SNTB1: variants seen among roughly 807,000 people sequenced by gnomAD.
The protein encoded by SNTB1 is beta-1-syntrophin.
SNTB1 carries 36 observed loss-of-function variants against 48.9 expected under a neutral mutation model. The ratio of observed to expected loss-of-function variants is 0.74; its 90% CI spans 0.56 to 0.97. The LOEUF (loss-of-function observed/expected upper bound fraction) is 0.97. SNTB1 is among the 50% of genes least tolerant of loss of function. SNTB1 has a pLI of 0.00. For missense variants in SNTB1, 786 were observed against 703.4 expected (o/e 1.12, Z -1.33); for synonymous variants, 299 against 294.6 (o/e 1.01, Z -0.15).
intron 3 of SNTB1, among the ~76,000 whole-genome samples, chr8:120,609,353 T>A (rs574274562): frequency 6.6e-6 from 1 of 152,300 alleles, no homozygotes; most frequent in South Asian, 2.1e-4. Flanking sequence ...AGACCAGGCG[T>A]AGGTCCATAC....
At chr8:120,561,637 CATTGT>C (rs1399994852) in intron 4 of SNTB1, among the ~76,000 whole-genome samples, 5 of 152,018 alleles carry the variant, frequency 3.3e-5, no homozygotes, top group Non-Finnish European at 5.9e-5. Context: ...ACGTATGTCC[CATTGT>C]GTGTGTAGAA....
At position 120,693,778 on chromosome 8, in the gene SNTB1, G is replaced by A. The variant is rs1818165585; in HGVS notation, c.702C>T (p.Ser234=). The A allele has an allele frequency of 6.2e-7, 1 of 1,614,042 alleles. No homozygotes were observed. Among genetic ancestry groups the A allele is most frequent in the Non-Finnish European group, 8.5e-7 (1 of 1,179,986 alleles). Residue 234 remains serine (S), a synonymous_variant, in exon 2 of 7, where the codon TCC becomes TCT. Coordinates refer to ENST00000517992, the MANE Select transcript of SNTB1 (RefSeq NM_021021.4). ...GSTSDPPSSQ[S]FSFHRDRKSI... is the part of the protein sequence containing the mutation. The stretch of plus-strand genomic sequence containing the variant: ...TTTTCCGGTCTCTGTGGAAGGAGAA[G>A]GACTGCGATGACGGGGGGTCTGAGG...
chr8:120,547,897 C>T (rs1815410288), intron 5 of SNTB1, among the ~76,000 whole-genome samples: 1 of 152,258 alleles, frequency 6.6e-6, no homozygotes, highest in South Asian at 2.1e-4. Flanking sequence ...GCCTTTGGCT[C>T]CTGCTCTTTT....
chr8:120,796,133 T>C (rs1820115451), intron 1 of SNTB1, among the ~76,000 whole-genome samples: 1 of 152,044 alleles, frequency 6.6e-6, no homozygotes, highest in East Asian at 1.9e-4. Context: ...TTTCAAAGTG[T>C]GTAGCACCTC....
intron 2 of SNTB1, among the ~76,000 whole-genome samples, chr8:120,669,109 T>C (rs1310550964): frequency 1.2e-4 from 18 of 152,222 alleles, no homozygotes; most frequent in Non-Finnish European, 5.9e-5. Flanking sequence ...CATAAAATGT[T>C]TGAGGCAATT....
chr8:120,714,555 C>T (rs1367030651), intron 1 of SNTB1, among the ~76,000 whole-genome samples: 2 of 151,872 alleles, frequency 1.3e-5, no homozygotes, highest in East Asian at 1.9e-4. Flanking sequence ...AAGCAGGCAC[C>T]ATTCCCAAAG....
intron 1 of SNTB1, chr8:120,765,817 G>C (rs1587143739): frequency 6.6e-6 from 1 of 152,152 alleles, no homozygotes; most frequent in South Asian, 2.1e-4. Context: ...GATAGCTAGA[G>C]TTTCAGAAGC....
intron 1 of SNTB1, among the ~76,000 whole-genome samples, chr8:120,751,910 C>A (rs1027099593): frequency 2.2e-4 from 34 of 152,164 alleles, no homozygotes; most frequent in African/African-American, 8.0e-4. Flanking sequence ...TGGCTGAAAG[C>A]AGTTAATGGA....
At chr8:120,645,358 A>C (rs1443678952) in intron 2 of SNTB1, among the ~76,000 whole-genome samples, 5 of 148,338 alleles carry the variant, frequency 3.4e-5, no homozygotes, top group African/African-American at 9.9e-5. Flanking sequence ...TAAGGAAGGG[A>C]TCCAGTTTCA....
At chr8:120,722,821 C>T (rs1448117106) in intron 1 of SNTB1, among the ~76,000 whole-genome samples, 2 of 152,090 alleles carry the variant, frequency 1.3e-5, no homozygotes, top group Admixed American at 6.5e-5. Context: ...CTTGCCCATG[C>T]CTATGTCCTG....
At chr8:120,551,725 CA>C (rs764008790) in intron 4 of SNTB1, among the ~76,000 whole-genome samples, 8,449 of 42,892 alleles carry the variant, frequency 0.2, 114 homozygotes, top group Non-Finnish European at 0.24. Flanking sequence ...GACTCCATCT[CA>C]AAAAAAAAAA....
chr8:120,739,468 C>A (rs1197905110), intron 1 of SNTB1, among the ~76,000 whole-genome samples: 2 of 152,176 alleles, frequency 1.3e-5, no homozygotes, highest in East Asian at 3.8e-4. Flanking sequence ...TCCCAAGAAA[C>A]CTAAGTTTTT....
chr8:120,683,097 G>A (rs1817963562), intron 2 of SNTB1, among the ~76,000 whole-genome samples: 1 of 152,032 alleles, frequency 6.6e-6, no homozygotes, highest in South Asian at 2.1e-4. Context: ...TAGCCAGGAT[G>A]GTCTCAATCT....
chr8:120,723,567 G>T (rs1563580826), intron 1 of SNTB1, among the ~76,000 whole-genome samples: 3 of 152,170 alleles, frequency 2.0e-5, no homozygotes, highest in Non-Finnish European at 2.9e-5. Flanking sequence ...TTCACTGCTA[G>T]TTGGTTTCTT....
intron 3 of SNTB1, among the ~76,000 whole-genome samples, chr8:120,577,141 A>G (rs1159666140): frequency 1.3e-5 from 2 of 152,170 alleles, no homozygotes; most frequent in Non-Finnish European, 2.9e-5. Context: ...TTTTCTTCCC[A>G]TCCTTTCCAA....
At chr8:120,667,029 G>A (rs1429984097) in intron 2 of SNTB1, among the ~76,000 whole-genome samples, 1 of 151,176 alleles carries the variant, frequency 6.6e-6, no homozygotes, top group Non-Finnish European at 1.5e-5. Context: ...CAATTGATCA[G>A]TTTTTCTCTA....
At chr8:120,725,760 C>A (rs1818743020) in intron 1 of SNTB1, among the ~76,000 whole-genome samples, 2 of 152,200 alleles carry the variant, frequency 1.3e-5, no homozygotes, top group South Asian at 4.1e-4. Context: ...TAACATAGGG[C>A]CGAAAGGACT....
At chr8:120,635,950 G>T in intron 2 of SNTB1, 1 of 533,762 alleles carries the variant, frequency 1.9e-6, no homozygotes, top group South Asian at 2.2e-5. Flanking sequence ...TTTCTCCAAA[G>T]CTTTCAGATA....
At position 120,537,523 on chromosome 8, in the gene SNTB1, T is replaced by A. The variant is rs549019220; in HGVS notation, c.*1354A>T. On this transcript the variant is annotated 3_prime_UTR_variant, in exon 7 of 7. Transcript: ENST00000517992. ...CACGGTTTCACTTTTTGAAGCTCTTTGCATGGGTATTTGTTAACATATGAT... is the reference window on the plus strand; with the variant it reads ...CACGGTTTCACTTTTTGAAGCTCTTAGCATGGGTATTTGTTAACATATGAT... 3.3e-5 allele frequency: 5 copies of A among 152,324 alleles called. No individual in the cohort carries two copies. The highest frequency in any genetic ancestry group is 1.2e-4 in the African/African-American group (5 of 41,564). 9.4% of individuals were successfully genotyped at this position (152,324 alleles called of 1,614,324 possible).
Sources: allele counts gnomAD v4.1 joint callset (sites outside exome capture counted in the v4.1 genomes callset), GRCh38; gene constraint gnomAD v4.1.1; transcripts MANE v1.5; gene names NCBI Gene and HGNC (gene_info 2026-07-23, HGNC 2026-07-21).